Variants in TNFAIP8L1 observed in about 807,000 individuals in gnomAD.
The protein encoded by TNFAIP8L1 is TNF alpha induced protein 8 like 1.
For synonymous variants in TNFAIP8L1, 127 were observed against 125.6 expected (o/e 1.01, Z -0.08); for missense variants, 225 against 266.1 (o/e 0.85, Z 1.08).
At chr19:4,640,143 G>A (rs2088246267) in intron 1 of TNFAIP8L1, 1 of 152,296 alleles carries the variant, frequency 6.6e-6, no homozygotes, top group Non-Finnish European at 1.5e-5. Flanking sequence ...CTGTGAACTG[G>A]GACCGTCGCT....
chr19:4,647,155 T>A (rs1403518158), intron 1 of TNFAIP8L1, among the ~76,000 whole-genome samples: 4 of 152,212 alleles, frequency 2.6e-5, no homozygotes, highest in Admixed American at 1.3e-4. Flanking sequence ...ACTTGCAGGC[T>A]ACCCTGGGTC....
rs559407687 is a variant in TNFAIP8L1 at position 4,643,235 on chromosome 19, C to T, written c.-4+3606C>T. 1.1e-4 allele frequency among the ~76,000 whole-genome samples: 16 copies of T among 151,268 alleles called. No individual in the cohort carries two copies. In the South Asian group the frequency reaches 1.7e-3, roughly 16 times the overall value. On this transcript the variant is annotated intron_variant, in intron 1 of 1. Coordinates refer to ENST00000327473, the MANE Select transcript of TNFAIP8L1 (RefSeq NM_152362.3). ...CGGAGGTTGCAGTGAGCCGAGATCA[C>T]GCCGCTGCACTCCAGCCTGGGCAAC...
intron 1 of TNFAIP8L1, among the ~76,000 whole-genome samples, chr19:4,644,303 G>C (rs916578786): frequency 3.5e-4 from 53 of 151,906 alleles, no homozygotes; most frequent in Non-Finnish European, 4.1e-4. Flanking sequence ...ACTTTGGGAG[G>C]TCAAGGCGGG....
chr19:4,647,096 GT>G (rs1202703693), intron 1 of TNFAIP8L1, among the ~76,000 whole-genome samples: 1 of 152,168 alleles, frequency 6.6e-6, no homozygotes, highest in Non-Finnish European at 1.5e-5. Flanking sequence ...ATCTCATTTT[GT>G]TTATTCATTC....
At chr19:4,649,244 T>TG (rs34716296) in intron 1 of TNFAIP8L1, among the ~76,000 whole-genome samples, 2 of 151,154 alleles carry the variant, frequency 1.3e-5, no homozygotes, top group African/African-American at 4.9e-5. Context: ...TTTTTTTTTT[T>TG]GCACAGGGAA....
intron 1 of TNFAIP8L1, among the ~76,000 whole-genome samples, chr19:4,647,154 C>A (rs1318960738): frequency 2.6e-5 from 4 of 152,202 alleles, no homozygotes; most frequent in Admixed American, 1.3e-4. Context: ...CACTTGCAGG[C>A]TACCCTGGGT....
At chr19:4,651,017 T>C (rs1240139516) in intron 1 of TNFAIP8L1, among the ~76,000 whole-genome samples, 1 of 151,556 alleles carries the variant, frequency 6.6e-6, no homozygotes, top group African/African-American at 2.4e-5. Flanking sequence ...ATAAAATAAA[T>C]AAATAATAAA....
Position 4,652,351 on chromosome 19 carries a change from G to C in TNFAIP8L1, c.482G>C (p.Gly161Ala). ...ADCDFLAALYGPAEPYRSHLR... is the reference protein window; with the variant it reads ...ADCDFLAALYAPAEPYRSHLR... ...TGCGACTTCCTGGCTGCGCTCTACGGCCCCGCCGAGCCCTACCGCTCCCAC... is the reference window on the plus strand; with the variant it reads ...TGCGACTTCCTGGCTGCGCTCTACGCCCCCGCCGAGCCCTACCGCTCCCAC... Residue 161 changes from glycine (G) to alanine (A), a missense_variant, in exon 2 of 2, where the codon GGC becomes GCC. Transcript: ENST00000327473. 1 of 1,549,994 alleles carries C rather than the reference G, an allele frequency of 6.5e-7. No individual in the cohort carries two copies. The highest frequency in any genetic ancestry group is 8.7e-7 in the Non-Finnish European group (1 of 1,149,686).
At position 4,654,021 on chromosome 19, in the gene TNFAIP8L1, G is replaced by T. The variant is rs545558005; in HGVS notation, c.*1591G>T. On this transcript the variant is annotated 3_prime_UTR_variant, in exon 2 of 2. Coordinates refer to ENST00000327473, the MANE Select transcript of TNFAIP8L1 (RefSeq NM_152362.3). The stretch of plus-strand genomic sequence containing the variant: ...TGCCGGCCACCACCAGGAGCTGGGA[G>T]AGGCCCAGGGCAGATCCCCTTCAGC... The T allele has an allele frequency of 6.6e-6, 1 of 152,428 alleles. No homozygotes were observed. Among genetic ancestry groups the T allele is most frequent in the Non-Finnish European group, 1.5e-5 (1 of 68,134 alleles). 9.4% of individuals were successfully genotyped at this position (152,428 alleles called of 1,614,324 possible).
At chr19:4,642,229 C>G (rs1015919779) in intron 1 of TNFAIP8L1, 8 of 152,082 alleles carry the variant, frequency 5.3e-5, no homozygotes, top group African/African-American at 1.9e-4. Flanking sequence ...GCCTGTAATC[C>G]CAGCACTTTG....
intron 1 of TNFAIP8L1, among the ~76,000 whole-genome samples, chr19:4,642,884 ACAGGCACC>A (rs532154565): frequency 6.6e-6 from 1 of 152,206 alleles, no homozygotes; most frequent in South Asian, 2.1e-4. Flanking sequence ...TCAGGTACTC[ACAGGCACC>A]CATTGGCTGC....
intron 1 of TNFAIP8L1, among the ~76,000 whole-genome samples, chr19:4,649,977 G>A (rs557288071): frequency 2.0e-5 from 3 of 152,344 alleles, no homozygotes; most frequent in African/African-American, 7.2e-5. Flanking sequence ...GCAGCCTGGC[G>A]CTGGGGTGGG....
chr19:4,652,156 G>C lies in TNFAIP8L1; in HGVS notation c.287G>C (p.Cys96Ser), dbSNP rs1406042569. 6.4e-7 allele frequency: 1 copy of C among 1,558,364 alleles called. No individual in the cohort carries two copies. Among genetic ancestry groups the C allele is most frequent in the African/African-American group, 1.4e-5 (1 of 73,398 alleles). ...CGGCGCTTCCGCCACCGGGCGCGCT[G>C]CCTGGCCATGACGGCCGTCAGCTTC... ...LLRRFRHRAR[C>S]LAMTAVSFHQ... Residue 96 changes from cysteine to serine, a missense_variant, in exon 2 of 2, where the codon TGC (cysteine) becomes TCC (serine). By Grantham distance (112) the Cys-to-Ser change is moderately radical. Transcript: ENST00000327473.
intron 1 of TNFAIP8L1, among the ~76,000 whole-genome samples, chr19:4,650,957 C>T (rs926764787): frequency 6.6e-6 from 1 of 152,102 alleles, no homozygotes; most frequent in African/African-American, 2.4e-5. Context: ...ACACTCCAGC[C>T]TGGGCGACAG....
At position 4,652,244 on chromosome 19, in the gene TNFAIP8L1, CCTGCTG is replaced by C. The variant is rs1374858319; in HGVS notation, c.377_382del (p.Leu126_Leu127del). 1 of 1,554,876 alleles carries C rather than the reference CCTGCTG, an allele frequency of 6.4e-7. No individual in the cohort carries two copies. The highest frequency in any genetic ancestry group is 1.4e-5 in the African/African-American group (1 of 73,366). ...CCGCCGGGCTGCTCGAGTGCCGCGACCTGCTGCACCAGGCCGTGGGTCCCCACCTGA... is the reference window on the plus strand; with the variant it reads ...CCGCCGGGCTGCTCGAGTGCCGCGACCACCAGGCCGTGGGTCCCCACCTGA... On this transcript the variant is annotated inframe_deletion, in exon 2 of 2. Transcript: ENST00000327473.
At chr19:4,644,830 A>G (rs970824123) in intron 1 of TNFAIP8L1, among the ~76,000 whole-genome samples, 1 of 151,886 alleles carries the variant, frequency 6.6e-6, no homozygotes, top group African/African-American at 2.4e-5. Context: ...TGGACTCCCG[A>G]CCTAAGGTGA....
At chr19:4,644,892 C>T (rs1457538108) in intron 1 of TNFAIP8L1, among the ~76,000 whole-genome samples, 3 of 152,126 alleles carry the variant, frequency 2.0e-5, no homozygotes, top group African/African-American at 7.2e-5. Flanking sequence ...TGAGCCACCA[C>T]GCCCAGCCTG....
At chr19:4,649,292 G>A (rs1338442201) in intron 1 of TNFAIP8L1, among the ~76,000 whole-genome samples, 1 of 151,858 alleles carries the variant, frequency 6.6e-6, no homozygotes, top group Non-Finnish European at 1.5e-5. Flanking sequence ...AGTTCACAGA[G>A]CTGAGGTGGG....
At position 4,651,856 on chromosome 19, in the gene TNFAIP8L1, G is replaced by A; in HGVS notation, c.-3-11G>A. 1 of 1,585,012 alleles carries A rather than the reference G, an allele frequency of 6.3e-7. No homozygotes were observed. Among genetic ancestry groups the A allele is most frequent in the South Asian group, 1.1e-5 (1 of 88,240 alleles). Reference sequence around the variant, plus strand: ...CGTGCAAAACTGAGGGCTGGTCTGTGTCCCCCGCAGGCCATGGACACCTTC... The same window carrying A: ...CGTGCAAAACTGAGGGCTGGTCTGTATCCCCCGCAGGCCATGGACACCTTC... On this transcript the variant is annotated splice_polypyrimidine_tract_variant and intron_variant, in intron 1 of 1. Transcript: ENST00000327473.
Sources: allele counts gnomAD v4.1 joint callset (sites outside exome capture counted in the v4.1 genomes callset), GRCh38; gene constraint gnomAD v4.1.1; transcripts MANE v1.5; gene names NCBI Gene and HGNC (gene_info 2026-07-23, HGNC 2026-07-21).